The following RGS6 variants were observed in gnomAD, a reference collection of about 807,000 sequenced individuals.
RGS6 encodes regulator of G-protein signaling 6.
RGS6 carries 30 observed loss-of-function variants against 78.5 expected under a neutral mutation model. That is an observed-to-expected ratio of 0.38 (90% CI 0.29 to 0.52). RGS6 has a LOEUF of 0.52. RGS6 is among the 20% of genes least tolerant of loss of function. The pLI, the probability that RGS6 is intolerant of heterozygous loss-of-function variation, is 0.85. For missense variants in RGS6, 495 were observed against 609.7 expected (o/e 0.81, Z 1.98); for synonymous variants, 206 against 206.0 (o/e 1.00, Z 0.00).
intron 2 of RGS6, among the ~76,000 whole-genome samples, chr14:72,314,945 C>T (rs999465641): frequency 2.1e-4 from 32 of 152,306 alleles, no homozygotes; most frequent in African/African-American, 7.2e-4. Flanking sequence ...AACACACGAC[C>T]AGAAATTGTG....
At chr14:72,251,314 A>C (rs1240980153) in intron 2 of RGS6, among the ~76,000 whole-genome samples, 1 of 152,168 alleles carries the variant, frequency 6.6e-6, no homozygotes, top group Non-Finnish European at 1.5e-5. Context: ...TCCAGTGGTT[A>C]ATCTTTCTTG....
chr14:71,951,664 A>G (rs959371266), intron 1 of RGS6, among the ~76,000 whole-genome samples: 3 of 152,204 alleles, frequency 2.0e-5, no homozygotes, highest in Non-Finnish European at 4.4e-5. Flanking sequence ...TTGGGATTGC[A>G]TTAAATCTCT....
intron 2 of RGS6, among the ~76,000 whole-genome samples, chr14:72,346,848 G>C (rs146345985): frequency 6.6e-6 from 1 of 152,060 alleles, no homozygotes; most frequent in Non-Finnish European, 1.5e-5. Flanking sequence ...CACTCCTCTC[G>C]CACACTCTTG....
the RGS6 span, among the ~76,000 whole-genome samples, chr14:71,894,899 G>A: frequency 6.6e-6 from 1 of 152,038 alleles, no homozygotes; most frequent in East Asian, 1.9e-4. Flanking sequence ...ATCTCAGCTG[G>A]GATTACAGGC....
Position 72,525,277 on chromosome 14 carries a change from T to C in RGS6, c.1278+6740T>C, listed in dbSNP as rs141893628. 1.6e-4 allele frequency among the ~76,000 whole-genome samples: 25 copies of C among 152,278 alleles called. 1 individual carries two copies. The East Asian group carries it at 4.6e-3, about 28-fold the overall frequency. On this transcript the variant is annotated intron_variant, in intron 15 of 17. Transcript: ENST00000553525. The stretch of plus-strand genomic sequence containing the variant: ...AGCAGGTTAAATTAAATTCCTACAA[T>C]GTGCCGATTCAGCAAAACTTGGAAT...
the RGS6 span, among the ~76,000 whole-genome samples, chr14:72,582,815 T>C: frequency 3.3e-5 from 5 of 152,096 alleles, no homozygotes; most frequent in Middle Eastern, 3.2e-3. Flanking sequence ...TTCATCATGG[T>C]GTGATGATTG....
At chr14:71,892,118 A>G in the RGS6 span, among the ~76,000 whole-genome samples, 4 of 152,304 alleles carry the variant, frequency 2.6e-5, no homozygotes, top group Non-Finnish European at 2.9e-5. Flanking sequence ...TTTCACCTTA[A>G]TGGCACCTAA....
At chr14:72,290,892 A>C (rs1457099102) in intron 2 of RGS6, among the ~76,000 whole-genome samples, 1 of 152,100 alleles carries the variant, frequency 6.6e-6, no homozygotes, top group East Asian at 1.9e-4. Flanking sequence ...AGTTCTTTGA[A>C]ATGCAGGTTC....
At chr14:72,335,110 A>T (rs2075796955) in intron 2 of RGS6, among the ~76,000 whole-genome samples, 1 of 148,580 alleles carries the variant, frequency 6.7e-6, no homozygotes, top group South Asian at 2.1e-4. Context: ...CCACCATGTG[A>T]CTTTGCTCCT....
At chr14:72,396,047 C>G (rs2091177111) in intron 3 of RGS6, among the ~76,000 whole-genome samples, 1 of 152,040 alleles carries the variant, frequency 6.6e-6, no homozygotes, top group Non-Finnish European at 1.5e-5. Context: ...GGTATATACC[C>G]AGTAATGGGA....
chr14:71,911,041 T>TGAAAGTGC, the RGS6 span, among the ~76,000 whole-genome samples: 4 of 152,324 alleles, frequency 2.6e-5, no homozygotes, highest in Admixed American at 2.6e-4. Context: ...TAGAGATCTG[T>TGAAAGTGC]GAAAGTGCTT....
intron 3 of RGS6, among the ~76,000 whole-genome samples, chr14:72,380,990 A>G (rs1356052786): frequency 6.6e-6 from 1 of 152,134 alleles, no homozygotes; most frequent in Non-Finnish European, 1.5e-5. Context: ...ACGGAATACT[A>G]TTAGGCTAAG....
intron 2 of RGS6, among the ~76,000 whole-genome samples, chr14:72,090,768 C>G (rs977404860): frequency 6.6e-6 from 1 of 152,098 alleles, no homozygotes; most frequent in Non-Finnish European, 1.5e-5. Context: ...GGAGAGTGCC[C>G]AGCCAGGGAG....
chr14:71,874,495 A>G, the RGS6 span, among the ~76,000 whole-genome samples: 1 of 152,188 alleles, frequency 6.6e-6, no homozygotes, highest in African/African-American at 2.4e-5. Flanking sequence ...TTGATTTTGT[A>G]TCCTGAGACT....
At chr14:71,973,196 A>C (rs945390207) in intron 2 of RGS6, among the ~76,000 whole-genome samples, 5 of 152,176 alleles carry the variant, frequency 3.3e-5, no homozygotes, top group African/African-American at 9.7e-5. Context: ...GTCTTTTGTA[A>C]TCTAAAATAG....
intron 17 of RGS6, among the ~76,000 whole-genome samples, chr14:72,555,609 G>A (rs2153540897): frequency 6.6e-6 from 1 of 152,330 alleles, no homozygotes; most frequent in South Asian, 2.1e-4. Context: ...TTCCTTGAGA[G>A]TGACAGCCAT....
At chr14:72,389,670 G>T (rs1002304164) in intron 3 of RGS6, among the ~76,000 whole-genome samples, 12 of 152,106 alleles carry the variant, frequency 7.9e-5, no homozygotes, top group Non-Finnish European at 1.5e-4. Context: ...CAGTACCATT[G>T]TTTACCTCCT....
intron 15 of RGS6, among the ~76,000 whole-genome samples, chr14:72,522,981 T>TAGAA (rs2097069004): frequency 2.6e-5 from 4 of 152,264 alleles, no homozygotes; most frequent in African/African-American, 9.6e-5. Flanking sequence ...TGAATGTTTC[T>TAGAA]ACATGAGGAT....
chr14:72,229,157 A>G (rs1021177849), intron 2 of RGS6, among the ~76,000 whole-genome samples: 3 of 152,226 alleles, frequency 2.0e-5, no homozygotes, highest in Admixed American at 1.3e-4. Context: ...AATCTATAGT[A>G]AAATAAACCC....
Sources: allele counts gnomAD v4.1 joint callset (sites outside exome capture counted in the v4.1 genomes callset), GRCh38; gene constraint gnomAD v4.1.1; transcripts MANE v1.5; gene names NCBI Gene and HGNC (gene_info 2026-07-23, HGNC 2026-07-21).